LIAS: variants seen among roughly 807,000 people sequenced by gnomAD.
LIAS encodes the protein lipoyl synthase, mitochondrial.
LIAS carries 36 observed loss-of-function variants against 49.4 expected under a neutral mutation model. The ratio of observed to expected loss-of-function variants is 0.73; its 90% CI spans 0.56 to 0.96. LIAS has a LOEUF of 0.96. Among genes scored for constraint, LIAS ranks in the 40% least tolerant of loss-of-function variants. LIAS has a pLI of 0.00. For missense variants in LIAS, 399 were observed against 456.3 expected, an observed-to-expected ratio of 0.87 and a Z score of 1.14; for synonymous variants, 145 against 155.8, an observed-to-expected ratio of 0.93 and a Z score of 0.52.
chr4:39,479,051 A>C lies in LIAS; in HGVS notation c.*1936A>C, dbSNP rs187982640. 3 of 152,212 alleles carry C rather than the reference A, an allele frequency of 2.0e-5. No individual in the cohort carries two copies. The East Asian group carries it at 5.8e-4, about 29-fold the overall frequency. 9.4% of individuals were successfully genotyped at this position (152,212 alleles called of 1,614,324 possible). A position where few individuals can be genotyped will look rare whatever the true frequency, so the allele number is the denominator to read the frequency against. On this transcript the variant is annotated 3_prime_UTR_variant, in exon 11 of 11. Transcript: ENST00000640888. ...AGTCAGACCCCCATCTCTACCAAAA[A>C]TACAAAAAATTAGCTGGGTGTGGTG...
chr4:39,477,245 A>C lies in LIAS; in HGVS notation c.*130A>C. ...TCTTTGCTTAAAAAAAAAAATGTCA[A>C]TAGCCAGGCATAGTGGCTCACGCCT... On this transcript the variant is annotated 3_prime_UTR_variant, in exon 11 of 11. Transcript: ENST00000640888. The C allele has an allele frequency of 1.5e-6, 1 of 687,906 alleles. No individual in the cohort carries two copies. The highest frequency in any genetic ancestry group is 2.5e-6 in the Non-Finnish European group (1 of 403,730). The allele number at this position is 687,906 out of a possible 1,614,324, so 42.6% of individuals were successfully genotyped here. A position where few individuals can be genotyped will look rare whatever the true frequency, so the allele number is the denominator to read the frequency against.
intron 10 of LIAS, chr4:39,476,756 T>C: frequency 4.1e-6 from 1 of 242,150 alleles, no homozygotes; most frequent in Non-Finnish European, 7.8e-6. Flanking sequence ...GAGGGATAGA[T>C]AGTGCACATA....
chr4:39,463,681 G>T lies in LIAS; in HGVS notation c.393+76G>T, dbSNP rs1325781166. 4 of 1,493,318 alleles carry T rather than the reference G, an allele frequency of 2.7e-6. No homozygotes were observed. The Admixed American group carries it at 7.0e-5, about 26-fold the overall frequency. 92.5% of individuals were successfully genotyped at this position (1,493,318 alleles called of 1,614,324 possible). A position where few individuals can be genotyped will look rare whatever the true frequency, so the allele number is the denominator to read the frequency against. On this transcript the variant is annotated intron_variant, in intron 4 of 10. Transcript: ENST00000640888. ...TATTTTGTGTCTTCCTCCTAAAAAT[G>T]TGCATTATGAATCTCTGGTCAGATT...
chr4:39,473,994 G>A (rs370629543), intron 10 of LIAS: 24 of 152,300 alleles, frequency 1.6e-4, no homozygotes, highest in African/African-American at 5.8e-4. Context: ...GCCAGGTGGG[G>A]TGGCTCACAC....
chr4:39,473,069 A>G, intron 9 of LIAS, 31 bp from the exon 10 acceptor site: 1 of 1,299,550 alleles, frequency 7.7e-7, no homozygotes, highest in Non-Finnish European at 1.1e-6. Context: ...GGAATTCTAA[A>G]ATCTGATCAG....
In LIAS at chr4:39,459,146, G is replaced by A. The variant is rs1370681479; in HGVS notation, c.29G>A (p.Arg10His). Residue 10 changes from arginine (R) to histidine (H), a missense_variant, in exon 1 of 11, where the codon CGC (arginine) becomes CAC (histidine). Arg to His is a conservative substitution (Grantham distance 29). Around this residue, in one of 3 missense-constraint regions of LIAS, gnomAD observed 159 missense variants for 147.6 expected, o/e 1.08. Transcript: ENST00000640888. MSLRCGDAA[R>H]TLGPRVFGRY... ...TCTCTACGCTGCGGGGATGCAGCCC[G>A]CACCCTGGGGCCCCGGGTGAGCGGC... 4 of 1,613,342 alleles carry A rather than the reference G, an allele frequency of 2.5e-6. No individual in the cohort carries two copies. The Admixed American group carries it at 6.7e-5, about 27-fold the overall frequency.
At chr4:39,463,994 T>C (rs1744655992) in intron 4 of LIAS, 1 of 156,346 alleles carries the variant, frequency 6.4e-6, no homozygotes, top group Non-Finnish European at 1.4e-5. Context: ...ATATATTTTA[T>C]GTCTTTTAAA....
At chr4:39,462,158 A>G (rs1342230181) in intron 2 of LIAS, 38 bp from the exon 3 acceptor site, 2 of 882,424 alleles carry the variant, frequency 2.3e-6, no homozygotes, top group Admixed American at 2.8e-5. Flanking sequence ...ATTTGGCAGC[A>G]TATTTGTTAA....
At chr4:39,463,045 T>TAGGACATGCTCA (rs1744598721) in intron 3 of LIAS, among the ~76,000 whole-genome samples, 1 of 151,930 alleles carries the variant, frequency 6.6e-6, no homozygotes. Context: ...TACACCTCTA[T>TAGGACATGCTCA]AGGACATGCT....
At chr4:39,476,138 T>G (rs1308844303) in intron 10 of LIAS, 1 of 152,212 alleles carries the variant, frequency 6.6e-6, no homozygotes, top group Non-Finnish European at 1.5e-5. Flanking sequence ...AAGAAAAATT[T>G]CTAACATAAA....
chr4:39,473,661 A>C (rs1745073444), intron 10 of LIAS: 1 of 152,344 alleles, frequency 6.6e-6, no homozygotes, highest in Admixed American at 6.5e-5. Context: ...CATTGCTTGC[A>C]TCATTAAATT....
chr4:39,474,666 A>G (rs1745126865), intron 10 of LIAS, among the ~76,000 whole-genome samples: 1 of 151,306 alleles, frequency 6.6e-6, no homozygotes, highest in Admixed American at 6.6e-5. Flanking sequence ...CACAATCTTG[A>G]CTCACTGCAA....
chr4:39,475,346 A>C (rs1745156447), intron 10 of LIAS: 1 of 152,098 alleles, frequency 6.6e-6, no homozygotes. Context: ...ATGCCACTGC[A>C]CTCCAGTCTG....
At chr4:39,460,546 A>C (rs946111385) in intron 1 of LIAS, among the ~76,000 whole-genome samples, 1 of 151,774 alleles carries the variant, frequency 6.6e-6, no homozygotes, top group Non-Finnish European at 1.5e-5. Context: ...AAAAAAAAAA[A>C]AAAAAACAGA....
chr4:39,460,595 C>T (rs1233162074), intron 1 of LIAS, among the ~76,000 whole-genome samples, 195 bp from the exon 2 acceptor site: 1 of 150,268 alleles, frequency 6.7e-6, no homozygotes, highest in Non-Finnish European at 1.5e-5. Flanking sequence ...AAACAGTCAA[C>T]TCTTACTCTC....
chr4:39,459,475 T>TA (rs1227748996), intron 1 of LIAS, among the ~76,000 whole-genome samples: 1 of 152,170 alleles, frequency 6.6e-6, no homozygotes, highest in Non-Finnish European at 1.5e-5. Context: ...CTTGGACTCT[T>TA]ACTGTGTGTG....
At chr4:39,465,416 T>A in intron 6 of LIAS, 74 bp downstream of exon 6, 1 of 1,230,230 alleles carries the variant, frequency 8.1e-7, no homozygotes, top group Non-Finnish European at 1.1e-6. Context: ...TTCATTACCT[T>A]GAAACAGGGA....
chr4:39,461,750 A>G (rs1178967907), intron 2 of LIAS, among the ~76,000 whole-genome samples: 1 of 152,230 alleles, frequency 6.6e-6, no homozygotes. Context: ...GTTGGAGTGC[A>G]GTGGCACAAT....
rs1226834406 is a variant in LIAS at position 39,478,754 on chromosome 4, C to T, written c.*1639C>T. 2.6e-5 allele frequency: 4 copies of T among 152,142 alleles called. No homozygotes were observed. Among genetic ancestry groups the T allele is most frequent in the Non-Finnish European group, 5.9e-5 (4 of 68,042 alleles). 9.4% of individuals were successfully genotyped at this position (152,142 alleles called of 1,614,324 possible). ...AAGGCCTGAGAAAGGAATTTCCTTC[C>T]AAAATACTAATAACTCAGATTCATC... On this transcript the variant is annotated 3_prime_UTR_variant, in exon 11 of 11. Coordinates refer to ENST00000640888, the MANE Select transcript of LIAS (RefSeq NM_006859.4).
Sources: allele counts gnomAD v4.1 joint callset (sites outside exome capture counted in the v4.1 genomes callset), GRCh38; gene constraint gnomAD v4.1.1; regional missense constraint gnomAD v4.1.1; transcripts MANE v1.5; gene names NCBI Gene and HGNC (gene_info 2026-07-23, HGNC 2026-07-21).